Variants in ASTN2 observed in about 807,000 individuals in gnomAD.
The protein encoded by ASTN2 is astrotactin 2.
In ASTN2, 54 loss-of-function variants were observed where a neutral mutation model predicts 139.8. The observed-to-expected ratio is 0.39, with a 90% CI of 0.31 to 0.48. ASTN2 has a LOEUF of 0.48. Among genes scored for constraint, ASTN2 ranks in the 20% least tolerant of loss-of-function variants. ASTN2 has a pLI of 0.95. For missense variants in ASTN2, 1,565 were observed against 1,725.1 expected (o/e 0.91, Z 1.64); for synonymous variants, 756 against 719.5 (o/e 1.05, Z -0.81).
intron 1 of ASTN2, among the ~76,000 whole-genome samples, chr9:117,394,603 T>C (rs1317802943): frequency 2.0e-5 from 3 of 152,192 alleles, no homozygotes; most frequent in Non-Finnish European, 4.4e-5. Flanking sequence ...GTGAGGAAAG[T>C]AGCTTATACG....
chr9:117,408,026 C>T (rs1219098341), intron 1 of ASTN2, among the ~76,000 whole-genome samples: 1 of 152,158 alleles, frequency 6.6e-6, no homozygotes, highest in Non-Finnish European at 1.5e-5. Context: ...GGCAGTGAGG[C>T]TTCCTTCTGC....
intron 13 of ASTN2, among the ~76,000 whole-genome samples, chr9:116,801,825 G>A (rs1830867988): frequency 2.0e-5 from 3 of 151,954 alleles, no homozygotes; most frequent in Admixed American, 6.6e-5. Flanking sequence ...TAATATAATG[G>A]TGGTAGTCTT....
chr9:117,166,013 G>GT, intron 3 of ASTN2, among the ~76,000 whole-genome samples: 1 of 152,128 alleles, frequency 6.6e-6, no homozygotes, highest in East Asian at 1.9e-4. Flanking sequence ...GGAGTAAAAA[G>GT]TATCTCTGGA....
At chr9:116,962,510 T>A (rs1414625724) in intron 10 of ASTN2, among the ~76,000 whole-genome samples, 1 of 152,230 alleles carries the variant, frequency 6.6e-6, no homozygotes, top group Admixed American at 6.5e-5. Context: ...GGAATGCTGG[T>A]CTTGAACTTG....
intron 5 of ASTN2, among the ~76,000 whole-genome samples, chr9:117,073,535 C>T (rs1828192074): frequency 6.6e-6 from 1 of 152,150 alleles, no homozygotes; most frequent in Admixed American, 6.5e-5. Context: ...TTTAATGTTA[C>T]CATTTTTCTC....
At chr9:116,681,085 C>T (rs1859834022) in intron 16 of ASTN2, among the ~76,000 whole-genome samples, 1 of 151,918 alleles carries the variant, frequency 6.6e-6, no homozygotes, top group South Asian at 2.1e-4. Context: ...AGTCAAATTG[C>T]CCCTAGTTGC....
intron 16 of ASTN2, among the ~76,000 whole-genome samples, chr9:116,707,682 GA>G (rs1409113593): frequency 1.3e-5 from 2 of 152,114 alleles, no homozygotes; most frequent in Admixed American, 6.6e-5. Context: ...AACAAAACAA[GA>G]TAAAAGGTTA....
intron 10 of ASTN2, among the ~76,000 whole-genome samples, chr9:116,890,802 T>A (rs1277987217): frequency 6.6e-6 from 1 of 151,912 alleles, no homozygotes; most frequent in Non-Finnish European, 1.5e-5. Context: ...GGCTGGTAAG[T>A]GGCAGGGGGG....
intron 1 of ASTN2, among the ~76,000 whole-genome samples, chr9:117,398,308 T>C (rs1304567143): frequency 1.3e-5 from 2 of 152,174 alleles, no homozygotes; most frequent in Non-Finnish European, 2.9e-5. Flanking sequence ...TCCTTTCCAA[T>C]ATATTGTACA....
At chr9:117,354,958 T>C (rs4837136) in intron 1 of ASTN2, among the ~76,000 whole-genome samples, 2 of 152,104 alleles carry the variant, frequency 1.3e-5, no homozygotes, top group African/African-American at 4.8e-5. Flanking sequence ...ATACTATTTA[T>C]AAAAGTATTT....
At chr9:117,322,101 C>A (rs189630376) in intron 1 of ASTN2, among the ~76,000 whole-genome samples, 2 of 151,410 alleles carry the variant, frequency 1.3e-5, no homozygotes, top group African/African-American at 2.4e-5. Flanking sequence ...CCCGGGCAAG[C>A]CTTTATTGCT....
intron 1 of ASTN2, among the ~76,000 whole-genome samples, chr9:117,342,912 A>G (rs1042111923): frequency 6.6e-6 from 1 of 152,112 alleles, no homozygotes; most frequent in Admixed American, 6.6e-5. Context: ...GTCGCCATCA[A>G]ATGACATTCT....
chr9:116,712,100 G>T (rs1161079877), intron 16 of ASTN2, among the ~76,000 whole-genome samples: 1 of 152,090 alleles, frequency 6.6e-6, no homozygotes, highest in African/African-American at 2.4e-5. Flanking sequence ...ATCTTTCTAG[G>T]TTTATCTTAC....
chr9:117,111,100 AC>A (rs2132787478), intron 4 of ASTN2, among the ~76,000 whole-genome samples: 1 of 152,346 alleles, frequency 6.6e-6, no homozygotes, highest in African/African-American at 2.4e-5. Context: ...GCCTTCAAAA[AC>A]AAAACATGAG....
intron 1 of ASTN2, among the ~76,000 whole-genome samples, chr9:117,308,795 G>A (rs1250884658): frequency 6.6e-6 from 1 of 152,058 alleles, no homozygotes; most frequent in African/African-American, 2.4e-5. Context: ...AACAAACACT[G>A]AGCCCCTTCT....
intron 1 of ASTN2, among the ~76,000 whole-genome samples, chr9:117,293,303 C>A (rs1180443422): frequency 6.6e-6 from 1 of 152,202 alleles, no homozygotes; most frequent in Non-Finnish European, 1.5e-5. Context: ...TCTTCTTCCA[C>A]CCTTGTCCAT....
intron 16 of ASTN2, among the ~76,000 whole-genome samples, chr9:116,675,929 C>T (rs1245577057): frequency 1.3e-5 from 2 of 152,140 alleles, no homozygotes; most frequent in Non-Finnish European, 1.5e-5. Context: ...GTTGACATTG[C>T]GTGCTGAACA....
At chr9:116,446,449 G>C (rs141221286) in intron 20 of ASTN2, among the ~76,000 whole-genome samples, 1 of 152,220 alleles carries the variant, frequency 6.6e-6, no homozygotes, top group African/African-American at 2.4e-5. Context: ...TCCTAATCTT[G>C]ATTTTACAAG....
chr9:116,496,487 A>G (rs58985315), intron 19 of ASTN2, among the ~76,000 whole-genome samples: 4 of 152,154 alleles, frequency 2.6e-5, no homozygotes, highest in Non-Finnish European at 4.4e-5. Context: ...AAAAGTCAAT[A>G]TAAAGGTATA....
Sources: allele counts gnomAD v4.1 joint callset (sites outside exome capture counted in the v4.1 genomes callset), GRCh38; gene constraint gnomAD v4.1.1; transcripts MANE v1.5; gene names NCBI Gene and HGNC (gene_info 2026-07-23, HGNC 2026-07-21).